C17orf67: variants seen among roughly 807,000 people sequenced by gnomAD.
C17orf67 encodes chromosome 17 open reading frame 67.
In C17orf67, 12 loss-of-function variants were observed where a neutral mutation model predicts 11.2. The observed-to-expected ratio is 1.07, with a 90% CI of 0.68 to 1.73. C17orf67 has a LOEUF of 1.73. Ranked by LOEUF, C17orf67 falls within the 40% of genes most tolerant of loss-of-function variation. The pLI, the probability that C17orf67 is intolerant of heterozygous loss-of-function variation, is 0.00. For synonymous variants in C17orf67, 59 were observed against 46.9 expected (o/e 1.26, Z -1.05); for missense variants, 115 against 113.5 (o/e 1.01, Z -0.06).
At chr17:56,807,934 T>C (rs1905496864) in intron 6 of C17orf67, among the ~76,000 whole-genome samples, 2 of 150,600 alleles carry the variant, frequency 1.3e-5, no homozygotes, top group Admixed American at 1.3e-4. Flanking sequence ...AATAAATAAA[T>C]AAATAAATAG....
chr17:56,832,442 T>G (rs1024938355), intron 2 of C17orf67, among the ~76,000 whole-genome samples: 2 of 152,156 alleles, frequency 1.3e-5, no homozygotes, highest in African/African-American at 2.4e-5. Context: ...CCTTCCTCTG[T>G]CTCTCTGGGA....
chr17:56,827,283 C>G (rs1430349329), intron 2 of C17orf67, among the ~76,000 whole-genome samples: 1 of 152,168 alleles, frequency 6.6e-6, no homozygotes, highest in Non-Finnish European at 1.5e-5. Flanking sequence ...CAAATTTCTC[C>G]CTCTAAGTGA....
chr17:56,795,696 T>C (rs1205271275), intron 6 of C17orf67, among the ~76,000 whole-genome samples: 1 of 152,186 alleles, frequency 6.6e-6, no homozygotes, highest in Non-Finnish European at 1.5e-5. Flanking sequence ...GAAAGGCATA[T>C]AAAAATGTTT....
At chr17:56,805,274 A>G (rs1445939144) in intron 6 of C17orf67, among the ~76,000 whole-genome samples, 1 of 152,246 alleles carries the variant, frequency 6.6e-6, no homozygotes, top group Non-Finnish European at 1.5e-5. Flanking sequence ...AAACAAGAGC[A>G]GAAGATACAA....
chr17:56,809,466 CAGTA>C (rs1905535380), intron 6 of C17orf67, among the ~76,000 whole-genome samples: 1 of 151,834 alleles, frequency 6.6e-6, no homozygotes, highest in African/African-American at 2.4e-5. Context: ...AAAAAATACT[CAGTA>C]AGGCCTTTTC....
At chr17:56,825,942 T>TGA (rs1567800899) in intron 2 of C17orf67, among the ~76,000 whole-genome samples, 2 of 51,882 alleles carry the variant, frequency 3.9e-5, no homozygotes, top group African/African-American at 1.1e-4. Flanking sequence ...GGGAAACCTG[T>TGA]GAGTGTGTGT....
intron 6 of C17orf67, among the ~76,000 whole-genome samples, chr17:56,809,826 A>G (rs375537351): frequency 4.0e-4 from 42 of 105,872 alleles, no homozygotes; most frequent in African/African-American, 1.5e-3. Flanking sequence ...ACCCTCACAC[A>G]CTCACACACC....
chr17:56,797,800 TCTC>T (rs1438799205), intron 6 of C17orf67, among the ~76,000 whole-genome samples: 1 of 152,138 alleles, frequency 6.6e-6, no homozygotes, highest in Non-Finnish European at 1.5e-5. Flanking sequence ...GGGCTGGCCT[TCTC>T]CTCCAAATGC....
At chr17:56,805,039 G>A (rs897608922) in intron 6 of C17orf67, among the ~76,000 whole-genome samples, 2 of 152,288 alleles carry the variant, frequency 1.3e-5, no homozygotes, top group African/African-American at 2.4e-5. Context: ...AATACTGTAC[G>A]GTGCTTGGTG....
At chr17:56,832,779 T>C (rs963240008) in intron 2 of C17orf67, 119 bp downstream of exon 2, 1 of 152,262 alleles carries the variant, frequency 6.6e-6, no homozygotes, top group Non-Finnish European at 1.5e-5. Context: ...TAGTATATTA[T>C]TAAAATCTGC....
chr17:56,825,960 T>TGTGTGC (rs10633404), intron 2 of C17orf67, among the ~76,000 whole-genome samples: 3,446 of 151,050 alleles, frequency 0.023, 62 homozygotes, highest in East Asian at 0.054. Flanking sequence ...TGTGTGTGTG[T>TGTGTGC]GCACGCGTGT....
chr17:56,816,348 T>C (rs1454369881), intron 4 of C17orf67, among the ~76,000 whole-genome samples: 1 of 152,220 alleles, frequency 6.6e-6, no homozygotes, highest in Non-Finnish European at 1.5e-5. Context: ...GTTCAAATCC[T>C]AGCTTCAATT....
At chr17:56,807,770 G>A (rs1425090469) in intron 6 of C17orf67, among the ~76,000 whole-genome samples, 1 of 151,762 alleles carries the variant, frequency 6.6e-6, no homozygotes, top group Non-Finnish European at 1.5e-5. Context: ...AACATGATGG[G>A]GCCACTTTGT....
chr17:56,793,921 A>G (rs1040776931), intron 7 of C17orf67, among the ~76,000 whole-genome samples: 1 of 152,224 alleles, frequency 6.6e-6, no homozygotes, highest in Non-Finnish European at 1.5e-5. Flanking sequence ...CCTCAAAAGC[A>G]GAACTTCTAT....
chr17:56,822,978 G>A (rs915309521), intron 4 of C17orf67, among the ~76,000 whole-genome samples: 1 of 152,190 alleles, frequency 6.6e-6, no homozygotes, highest in Non-Finnish European at 1.5e-5. Context: ...CTGCCCAGCA[G>A]GTGAGGACAG....
chr17:56,812,597 A>G (rs1482645727), intron 6 of C17orf67, among the ~76,000 whole-genome samples: 1 of 152,100 alleles, frequency 6.6e-6, no homozygotes, highest in Non-Finnish European at 1.5e-5. Context: ...GGAGGATGGG[A>G]TGGTGGCTCA....
intron 2 of C17orf67, among the ~76,000 whole-genome samples, chr17:56,831,924 A>T (rs1319726814): frequency 6.6e-6 from 1 of 151,968 alleles, no homozygotes; most frequent in East Asian, 1.9e-4. Context: ...CCCCTATATC[A>T]AAACGCTTAA....
intron 6 of C17orf67, among the ~76,000 whole-genome samples, chr17:56,801,099 T>C (rs537554156): frequency 6.0e-4 from 91 of 152,262 alleles, no homozygotes; most frequent in African/African-American, 2.0e-3. Context: ...AGAGAATGGA[T>C]AGAGATGGGA....
At chr17:56,795,393 G>T in intron 6 of C17orf67, 1 of 550,442 alleles carries the variant, frequency 1.8e-6, no homozygotes, top group South Asian at 2.3e-5. Flanking sequence ...AATACTAAGT[G>T]CTGAGCGGGT....
Sources: allele counts gnomAD v4.1 joint callset (sites outside exome capture counted in the v4.1 genomes callset), GRCh38; gene constraint gnomAD v4.1.1; transcripts MANE v1.5; gene names NCBI Gene and HGNC (gene_info 2026-07-23, HGNC 2026-07-21).